The following EDRF1 variants were observed in gnomAD, a reference collection of about 807,000 sequenced individuals.
The protein encoded by EDRF1 is erythroid differentiation-related factor 1.
A neutral mutation model predicts 148.7 loss-of-function variants in EDRF1; 69 were observed. The ratio of observed to expected loss-of-function variants is 0.46; its 90% confidence interval spans 0.38 to 0.57. The LOEUF (loss-of-function observed/expected upper bound fraction) is 0.57. EDRF1 is among the 20% of genes least tolerant of loss of function. The probability of loss-of-function intolerance (pLI) is 0.00; values close to 1 mark genes in which losing one functional copy is unlikely to be tolerated. For synonymous variants in EDRF1, 515 were observed against 532.8 expected (o/e 0.97, Z 0.46); for missense variants, 1,118 against 1,478.7 (o/e 0.76, Z 4.00).
intron 1 of EDRF1, 79 bp from the exon 2 acceptor site, chr10:125,721,125 T>G: frequency 7.2e-7 from 1 of 1,391,468 alleles, no homozygotes; most frequent in Non-Finnish European, 1.0e-6. Flanking sequence ...GTGTGACAGG[T>G]TCTTGTTTTC....
intron 6 of EDRF1, among the ~76,000 whole-genome samples, chr10:125,727,757 C>T (rs907356502): frequency 9.2e-5 from 14 of 152,170 alleles, no homozygotes; most frequent in African/African-American, 2.9e-4. Context: ...AAGCAACACA[C>T]GCATGCCTGT....
At position 125,735,883 on chromosome 10, in the gene EDRF1, C is replaced by A; in HGVS notation, c.1737C>A (p.Tyr579Ter). 1.2e-6 allele frequency: 2 copies of A among 1,609,034 alleles called. No individual in the cohort carries two copies. The highest frequency in any genetic ancestry group is 1.7e-6 in the Non-Finnish European group (2 of 1,176,356). ...GAGAACTATCAGTACCAGAAAAATA[C>A]AAATCTATTCATCAAATCAGAGTAA... ...SVGELSVPEKYKSIHQIRPSC... is the reference protein window; with the variant it reads ...SVGELSVPEK The change falls in exon 13 of 25, where the codon TAC becomes TAA. Residue 579 changes from tyrosine (Y) to a stop codon, truncating the protein, a stop_gained. Transcript: ENST00000356792. LOFTEE classifies it high-confidence loss of function.
At position 125,747,449 on chromosome 10, in the gene EDRF1, G is replaced by A. The variant is rs999350647; in HGVS notation, c.2815-87G>A. On this transcript the variant is annotated intron_variant, in intron 19 of 24. Transcript: ENST00000356792. ...TATCCCAAAATTAAATTAACATCTG[G>A]GTAGTTGTGAAGTGTGTTTTATTTT... 37 of 1,357,542 alleles carry A rather than the reference G, an allele frequency of 2.7e-5. No individual in the cohort carries two copies. The Middle Eastern group carries it at 1.3e-3, about 46-fold the overall frequency. 84.1% of individuals were successfully genotyped at this position (1,357,542 alleles called of 1,614,324 possible).
At position 125,747,950 on chromosome 10, in the gene EDRF1, T is replaced by G. The variant is rs768284140; in HGVS notation, c.3061T>G (p.Tyr1021Asp). 6.4e-5 allele frequency: 103 copies of G among 1,614,112 alleles called. No individual in the cohort carries two copies. The highest frequency in any genetic ancestry group is 8.6e-5 in the Non-Finnish European group (101 of 1,180,044). The change falls in exon 21 of 25, where the codon TAT becomes GAT. Residue 1021 changes from tyrosine (Y) to aspartate (D), a missense_variant. Transcript: ENST00000356792. ...SVSARQPLCQYRAATIHHRLA... is the reference protein window; with the variant it reads ...SVSARQPLCQDRAATIHHRLA... ...GTCTGCTCGACAGCCCCTTTGTCAG[T>G]ATCGAGCTGCAACCATCCATCACAG...
At chr10:125,762,760 A>G (rs1395634637) in intron 24 of EDRF1, among the ~76,000 whole-genome samples, 5 of 152,174 alleles carry the variant, frequency 3.3e-5, no homozygotes, top group Admixed American at 1.3e-4. Context: ...AGGTAGTTCT[A>G]GCTCTAGAGA....
chr10:125,760,832 AT>A (rs746193093), intron 24 of EDRF1, among the ~76,000 whole-genome samples: 2 of 152,260 alleles, frequency 1.3e-5, no homozygotes, highest in Non-Finnish European at 2.9e-5. Flanking sequence ...TAAATAAAAA[AT>A]AATACAAATT....
intron 5 of EDRF1, 97 bp downstream of exon 5, chr10:125,725,539 T>G (rs1438103936): frequency 5.7e-6 from 9 of 1,572,314 alleles, no homozygotes; most frequent in Non-Finnish European, 7.0e-6. Flanking sequence ...GTTTTGCCCC[T>G]GTGATACTGT....
At chr10:125,726,780 TA>T (rs1050198696) in intron 6 of EDRF1, among the ~76,000 whole-genome samples, 17 of 152,336 alleles carry the variant, frequency 1.1e-4, no homozygotes, top group African/African-American at 3.8e-4. Flanking sequence ...AGGAAGTAAT[TA>T]ATATGCAAGT....
intron 24 of EDRF1, among the ~76,000 whole-genome samples, chr10:125,759,276 C>T (rs1402699018): frequency 6.6e-6 from 1 of 152,198 alleles, no homozygotes; most frequent in Non-Finnish European, 1.5e-5. Context: ...TTACTGGCAT[C>T]TGGCTGCATC....
intron 6 of EDRF1, among the ~76,000 whole-genome samples, chr10:125,726,216 A>G (rs1235139908): frequency 2.0e-5 from 3 of 152,138 alleles, no homozygotes; most frequent in Non-Finnish European, 4.4e-5. Flanking sequence ...ATATCTGTCA[A>G]TATTTGATAG....
intron 9 of EDRF1, among the ~76,000 whole-genome samples, chr10:125,732,362 A>G (rs2133693129): frequency 6.6e-6 from 1 of 152,236 alleles, no homozygotes; most frequent in Non-Finnish European, 1.5e-5. Flanking sequence ...AAGGATGTTG[A>G]ATTGGTTTAG....
chr10:125,743,590 T>C (rs1039826518), intron 18 of EDRF1, among the ~76,000 whole-genome samples: 2 of 152,196 alleles, frequency 1.3e-5, no homozygotes, highest in Non-Finnish European at 2.9e-5. Context: ...TCTCTCTTCA[T>C]GTTGGGAAGC....
intron 21 of EDRF1, 30 bp from the exon 22 acceptor site, chr10:125,749,382 G>T: frequency 6.2e-7 from 1 of 1,614,112 alleles, no homozygotes; most frequent in Non-Finnish European, 8.5e-7. Flanking sequence ...TACCGTGAAG[G>T]ATTTGTTGCT....
intron 13 of EDRF1, 24 bp downstream of exon 13, chr10:125,735,928 A>C (rs1848706534): frequency 2.5e-6 from 4 of 1,570,188 alleles, no homozygotes; most frequent in Non-Finnish European, 3.5e-6. Context: ...ATTTATATTA[A>C]ATTTTTATCA....
intron 9 of EDRF1, chr10:125,731,939 G>A: frequency 2.2e-6 from 1 of 446,400 alleles, no homozygotes; most frequent in African/African-American, 2.0e-5. Context: ...AGTTGCCCAG[G>A]GTCAACTTAG....
Position 125,749,495 on chromosome 10 carries a change from G to A in EDRF1, c.3207G>A (p.Leu1069=), listed in dbSNP as rs1237710614. Residue 1069 remains leucine, a synonymous_variant, in exon 22 of 25, where the codon CTG becomes CTA. Coordinates refer to ENST00000356792, the MANE Select transcript of EDRF1 (RefSeq NM_001202438.2). ...AGGCCGCAAAGCTGTTTCAGCTGCT[G>A]AAAGATGCTCCCTGCGAACTGCTTA... The part of the protein sequence containing the change: ...YSKAAKLFQL[L]KDAPCELLRV... 1 of 1,614,200 alleles carries A rather than the reference G, an allele frequency of 6.2e-7. No homozygotes were observed.
chr10:125,763,440 G>A lies in EDRF1; in HGVS notation c.3685G>A (p.Gly1229Ser), dbSNP rs772317099. ...IVHLLGQLAA[G>S]SAASSNAVQ is the part of the protein sequence containing the mutation. Reference sequence around the variant, plus strand: ...CCACCTGCTGGGCCAGCTTGCCGCCGGCAGTGCAGCGAGCAGCAATGCCGT... The same window carrying A: ...CCACCTGCTGGGCCAGCTTGCCGCCAGCAGTGCAGCGAGCAGCAATGCCGT... Residue 1229 changes from glycine (G) to serine (S), a missense_variant, in exon 25 of 25, where the codon GGC (glycine) becomes AGC (serine). By Grantham distance (56) the Gly-to-Ser change is moderately conservative (BLOSUM62 0). Transcript: ENST00000356792. The surrounding 1 kb of genome is among the most constrained non-coding windows in gnomAD (Gnocchi z 4.3). 55 of 1,609,616 alleles carry A rather than the reference G, an allele frequency of 3.4e-5. No homozygotes were observed. The highest frequency in any genetic ancestry group is 3.2e-4 in the South Asian group (29 of 91,086).
Position 125,740,370 on chromosome 10 carries a change from A to T in EDRF1, c.1982-93A>T, listed in dbSNP as rs1848954206. 6.4e-6 allele frequency: 8 copies of T among 1,248,302 alleles called. No homozygotes were observed. In the South Asian group the frequency reaches 8.8e-5, roughly 14 times the overall value. 77.3% of individuals were successfully genotyped at this position (1,248,302 alleles called of 1,614,324 possible). Reference sequence around the variant, plus strand: ...TACCAGTCTTGTCACCTAAGTCTAGAGTGTTTCCATCAAGAAACAGAAAAT... The same window carrying T: ...TACCAGTCTTGTCACCTAAGTCTAGTGTGTTTCCATCAAGAAACAGAAAAT... On this transcript the variant is annotated intron_variant, in intron 15 of 24. Transcript: ENST00000356792.
chr10:125,733,848 T>C (rs1848596133), intron 11 of EDRF1, 105 bp downstream of exon 11: 1 of 1,117,234 alleles, frequency 9.0e-7, no homozygotes. Context: ...TTTTAGGTTT[T>C]CATAGTAGGG....
Sources: allele counts gnomAD v4.1 joint callset (sites outside exome capture counted in the v4.1 genomes callset), GRCh38; gene constraint gnomAD v4.1.1; non-coding constraint Gnocchi (gnomAD v3.1); transcripts MANE v1.5; gene names NCBI Gene and HGNC (gene_info 2026-07-23, HGNC 2026-07-21).